The following MIER1 variants were observed in gnomAD, a reference collection of about 807,000 sequenced individuals.
The protein encoded by MIER1 is MIER1 transcriptional regulator, also known as mesoderm induction early response protein 1.
In MIER1, 40 loss-of-function variants were observed where a neutral mutation model predicts 75.7. The observed-to-expected ratio is 0.53, with a 90% CI of 0.41 to 0.69. MIER1 has a LOEUF of 0.69. Among genes scored for constraint, MIER1 ranks in the 30% least tolerant of loss-of-function variants. MIER1 has a pLI of 0.00. For missense variants in MIER1, 574 were observed against 680.2 expected, an observed-to-expected ratio of 0.84 and a Z score of 1.74; for synonymous variants, 213 against 223.4, an observed-to-expected ratio of 0.95 and a Z score of 0.42.
chr1:66,926,133 T>C lies in MIER1; in HGVS notation c.68-9T>C. The C allele has an allele frequency of 1.2e-6, 2 of 1,611,734 alleles. No homozygotes were observed. The highest frequency in any genetic ancestry group is 1.7e-6 in the Non-Finnish European group (2 of 1,177,920). On this transcript the variant is annotated splice_polypyrimidine_tract_variant and intron_variant, in intron 1 of 13. Coordinates refer to ENST00000401041, the MANE Select transcript of MIER1 (RefSeq NM_001077700.3). ...CCTTGCTACTGAGGCTCTCTTTCCT[T>C]TGATCCAGATGGTGTGGTCGCTCGA...
chr1:66,962,817 T>G (rs893371784), intron 7 of MIER1, among the ~76,000 whole-genome samples: 5 of 152,170 alleles, frequency 3.3e-5, no homozygotes, highest in African/African-American at 1.2e-4. Context: ...CTAATGGAAT[T>G]ATCAGAATTC....
Position 66,986,193 on chromosome 1 carries a change from A to G in MIER1, c.*1293A>G, listed in dbSNP as rs1666759290. Reference sequence around the variant, plus strand: ...GTTACAATCCAATTTTTCAGATTTGATAATGCTTTTCCAAAGTGAAAATAA... The same window carrying G: ...GTTACAATCCAATTTTTCAGATTTGGTAATGCTTTTCCAAAGTGAAAATAA... On this transcript the variant is annotated 3_prime_UTR_variant, in exon 14 of 14. Coordinates refer to ENST00000401041, the MANE Select transcript of MIER1 (RefSeq NM_001077700.3). 1.6e-6 allele frequency: 2 copies of G among 1,251,708 alleles called. No homozygotes were observed. The highest frequency in any genetic ancestry group is 1.0e-6 in the Non-Finnish European group (1 of 999,132). 77.5% of individuals were successfully genotyped at this position (1,251,708 alleles called of 1,614,324 possible). A position where few individuals can be genotyped will look rare whatever the true frequency, so the allele number is the denominator to read the frequency against.
At chr1:66,941,694 G>A (rs1366668641) in intron 3 of MIER1, among the ~76,000 whole-genome samples, 2 of 152,180 alleles carry the variant, frequency 1.3e-5, no homozygotes, top group African/African-American at 4.8e-5. Flanking sequence ...ATGTTGGCCA[G>A]GTGCAGTGGC....
chr1:66,988,487 A>ATTG lies in MIER1; in HGVS notation c.*3589_*3591dup, dbSNP rs1321990934. The ATTG allele has an allele frequency of 3.3e-5, 5 of 151,964 alleles. No homozygotes were observed. Among genetic ancestry groups the ATTG allele is most frequent in the African/African-American group, 1.2e-4 (5 of 41,410 alleles). The allele number at this position is 151,964 out of a possible 1,614,324, so 9.4% of individuals were successfully genotyped here. On this transcript the variant is annotated 3_prime_UTR_variant, in exon 14 of 14. Coordinates refer to ENST00000401041, the MANE Select transcript of MIER1 (RefSeq NM_001077700.3). ...TAAACTCTTGTCATGTACCCTTAGT[A>ATTG]TTGTGCTGATCTTTTGCCAACTATA... is the stretch of plus-strand genomic sequence containing the variant.
Position 66,984,695 on chromosome 1 carries a change from G to A in MIER1, c.1493G>A (p.Gly498Asp). Residue 498 changes from glycine (G) to aspartate (D), a missense_variant, in exon 14 of 14, where the codon GGT (glycine) becomes GAT (aspartate). By Grantham distance (94) the Gly-to-Asp change is moderately conservative (BLOSUM62 -1). Transcript: ENST00000401041. ...CTTCATGCAGATATGGATACTAATG[G>A]TTATGAAACAGATAACCTTACCACT... ...KPLHADMDTN[G>D]YETDNLTTDP... 5.0e-6 allele frequency: 8 copies of A among 1,613,994 alleles called. No homozygotes were observed. The highest frequency in any genetic ancestry group is 5.9e-6 in the Non-Finnish European group (7 of 1,179,952).
chr1:66,972,237 T>TATATATATATATATATATATATACTAC (rs1558099960), intron 10 of MIER1, among the ~76,000 whole-genome samples: 5 of 48,104 alleles, frequency 1.0e-4, no homozygotes, highest in East Asian at 7.1e-4. Flanking sequence ...ATACACTACA[T>TATATATATATATATATATATATACTAC]ATATATATAT....
In MIER1 at chr1:66,981,849, A is replaced by G. The variant is rs1206908117; in HGVS notation, c.1300A>G (p.Thr434Ala). The change falls in exon 13 of 14, where the codon ACT becomes GCT. Residue 434 changes from threonine to alanine, a missense_variant. Coordinates refer to ENST00000401041, the MANE Select transcript of MIER1 (RefSeq NM_001077700.3). ...TAGTCGAGCACCATCCCCTCCCCCA[A>G]CTGCATCAAACAGTAGTAACAGCCA... ...ASSRAPSPPP[T>A]ASNSSNSQSE... The G allele has an allele frequency of 2.5e-6, 4 of 1,613,982 alleles. No individual in the cohort carries two copies. In the South Asian group the frequency reaches 3.3e-5, roughly 13 times the overall value.
chr1:66,947,708 C>G (rs1158311821), intron 4 of MIER1: 1 of 152,546 alleles, frequency 6.6e-6, no homozygotes, highest in Admixed American at 6.6e-5. Flanking sequence ...TTAATATCAA[C>G]CTCCCAGCTT....
intron 1 of MIER1, chr1:66,925,640 G>A (rs1651486835): frequency 1.3e-6 from 1 of 741,058 alleles, no homozygotes; most frequent in Non-Finnish European, 1.6e-6. Context: ...CCTAGCGCGT[G>A]GGAGGATCCC....
chr1:66,984,610 G>C lies in MIER1; in HGVS notation c.1408G>C (p.Glu470Gln), dbSNP rs1666520800. ...TGGACCAGGTGAAATATTAAACAAAGAGGAAGTAAAAGTTGAAGGGTTACA... is the reference window on the plus strand; with the variant it reads ...TGGACCAGGTGAAATATTAAACAAACAGGAAGTAAAAGTTGAAGGGTTACA... ...SNGPGEILNK[E>Q]EVKVEGLHIN... is the part of the protein sequence containing the mutation. Residue 470 changes from glutamate (E) to glutamine (Q), a missense_variant, in exon 14 of 14, where the codon GAG (glutamate) becomes CAG (glutamine). Glu to Gln is a conservative substitution (Grantham distance 29). Coordinates refer to ENST00000401041, the MANE Select transcript of MIER1 (RefSeq NM_001077700.3). 1 of 1,608,902 alleles carries C rather than the reference G, an allele frequency of 6.2e-7. No individual in the cohort carries two copies. The highest frequency in any genetic ancestry group is 8.5e-7 in the Non-Finnish European group (1 of 1,178,508).
chr1:66,930,114 C>T, intron 2 of MIER1: 1 of 919,214 alleles, frequency 1.1e-6, no homozygotes, highest in Non-Finnish European at 1.4e-6. Context: ...CCGCTCTTCC[C>T]GGGGAGGGCT....
intron 8 of MIER1, among the ~76,000 whole-genome samples, 198 bp downstream of exon 8, chr1:66,963,358 A>G (rs1661639593): frequency 6.6e-6 from 1 of 152,184 alleles, no homozygotes. Context: ...GGTCTATAGA[A>G]GCCTAGCCAA....
intron 12 of MIER1, among the ~76,000 whole-genome samples, chr1:66,977,113 CT>C (rs777495629): frequency 2.2e-3 from 321 of 143,762 alleles, no homozygotes; most frequent in African/African-American, 2.9e-3. Flanking sequence ...TTTTAATCTT[CT>C]TTTTTTTTTT....
At chr1:66,940,637 T>C (rs1410224319) in intron 3 of MIER1, among the ~76,000 whole-genome samples, 1 of 152,196 alleles carries the variant, frequency 6.6e-6, no homozygotes, top group Non-Finnish European at 1.5e-5. Flanking sequence ...TTTCCTAACT[T>C]AGAGATTGCA....
chr1:66,980,127 A>G (rs553417275), intron 12 of MIER1, among the ~76,000 whole-genome samples: 3 of 152,100 alleles, frequency 2.0e-5, no homozygotes, highest in Non-Finnish European at 4.4e-5. Context: ...ATTTCCAACA[A>G]TTCCTCATCA....
At chr1:66,929,652 A>C (rs79550243) in intron 2 of MIER1, among the ~76,000 whole-genome samples, 4,725 of 152,334 alleles carry the variant, frequency 0.031, 233 homozygotes, top group African/African-American at 0.11. Flanking sequence ...AATTCAGTAC[A>C]TAACTGTGTT....
chr1:66,963,219 CT>C (rs1661612093), intron 8 of MIER1, 59 bp downstream of exon 8: 12 of 1,061,440 alleles, frequency 1.1e-5, no homozygotes, highest in Middle Eastern at 2.1e-4. Context: ...TGAACTGTTA[CT>C]TTATATGTAA....
At position 66,926,134 on chromosome 1, in the gene MIER1, T is replaced by C; in HGVS notation, c.68-8T>C. The C allele has an allele frequency of 6.2e-7, 1 of 1,612,042 alleles. No individual in the cohort carries two copies. Among genetic ancestry groups the C allele is most frequent in the Non-Finnish European group, 8.5e-7 (1 of 1,178,164 alleles). ...CTTGCTACTGAGGCTCTCTTTCCTT[T>C]GATCCAGATGGTGTGGTCGCTCGAT... On this transcript the variant is annotated splice_region_variant and splice_polypyrimidine_tract_variant and intron_variant, in intron 1 of 13. Coordinates refer to ENST00000401041, the MANE Select transcript of MIER1 (RefSeq NM_001077700.3).
At chr1:66,970,660 G>A (rs553031488) in intron 8 of MIER1, 148 bp from the exon 9 acceptor site, 2 of 499,132 alleles carry the variant, frequency 4.0e-6, no homozygotes, top group Non-Finnish European at 6.9e-6. Context: ...TATAGTTTTT[G>A]CCCAAGAACG....
Sources: gnomAD v4.1 joint callset for allele counts (sites outside exome capture counted in the v4.1 genomes callset) on GRCh38, gnomAD v4.1.1 for gene constraint, MANE v1.5 for transcripts, NCBI Gene and HGNC (gene_info 2026-07-23, HGNC 2026-07-21) for gene names.